ATP6V0A4: variants seen among roughly 807,000 people sequenced by gnomAD.
ATP6V0A4 encodes the protein ATPase H+ transporting V0 subunit a4.
Under a neutral mutation model 107.3 loss-of-function variants are expected in ATP6V0A4, and 86 were observed. The ratio of observed to expected loss-of-function variants is 0.80; its 90% CI spans 0.67 to 0.96. The LOEUF (loss-of-function observed/expected upper bound fraction) is 0.96. Among genes scored for constraint, ATP6V0A4 ranks in the 40% least tolerant of loss-of-function variants. The probability of loss-of-function intolerance (pLI) is 0.00; values close to 1 mark genes in which losing one functional copy is unlikely to be tolerated. For synonymous variants in ATP6V0A4, 353 were observed against 381.4 expected (o/e 0.93, Z 0.87); for missense variants, 908 against 1,045.6 (o/e 0.87, Z 1.81).
intron 11 of ATP6V0A4, among the ~76,000 whole-genome samples, chr7:138,752,116 T>C (rs554451632): frequency 4.6e-5 from 7 of 152,284 alleles, no homozygotes; most frequent in Middle Eastern, 3.4e-3. Context: ...ACACCTGTAA[T>C]GTCAGCACTT....
chr7:138,781,486 T>C (rs6467800), intron 2 of ATP6V0A4, among the ~76,000 whole-genome samples: 75,993 of 151,876 alleles, frequency 0.5, 19,288 homozygotes, highest in Admixed American at 0.55. Flanking sequence ...CCTGCCACCA[T>C]GCCTGGCTAA....
rs902650232 is a variant in ATP6V0A4, at chr7:138,773,328, C to T, written c.-17-2064G>A. On this transcript the variant is annotated intron_variant, in intron 2 of 21. Coordinates refer to ENST00000310018, the MANE Select transcript of ATP6V0A4 (RefSeq NM_020632.3). The surrounding 1 kb of genome is among the most constrained non-coding windows in gnomAD (Gnocchi z 5.4). ...CCTGGGTTTGGAAACTCAATATCCT[C>T]CTCTCCACCGTCCATCCCACGCCCC... 6.6e-6 allele frequency among the ~76,000 whole-genome samples: 1 copy of T among 152,114 alleles called. No individual in the cohort carries two copies. The highest frequency in any genetic ancestry group is 2.4e-5 in the African/African-American group (1 of 41,426).
intron 1 of ATP6V0A4, among the ~76,000 whole-genome samples, chr7:138,787,893 GGAGGCT>G (rs1808239874): frequency 6.6e-6 from 1 of 152,130 alleles, no homozygotes; most frequent in African/African-American, 2.4e-5. Flanking sequence ...CAGCTACTCA[GGAGGCT>G]GAGGCAGGAG....
intron 21 of ATP6V0A4, among the ~76,000 whole-genome samples, chr7:138,707,350 A>ATATTATATTATATATATATTTAT (rs1385766898): frequency 1.1e-5 from 1 of 90,366 alleles, no homozygotes; most frequent in African/African-American, 4.7e-5. Context: ...TATATATTAT[A>ATATTATATTATATATATATTTAT]ATATATATTA....
chr7:138,744,764 G>A (rs575510908), intron 14 of ATP6V0A4, among the ~76,000 whole-genome samples: 32 of 151,744 alleles, frequency 2.1e-4, no homozygotes, highest in South Asian at 6.3e-4. Context: ...GTGCAGTGGC[G>A]CAATCTCAGC....
intron 18 of ATP6V0A4, among the ~76,000 whole-genome samples, chr7:138,723,212 T>G (rs1804527093): frequency 6.6e-6 from 1 of 152,304 alleles, no homozygotes. Flanking sequence ...GTCTTGACAC[T>G]AAAGCAATGC....
chr7:138,763,975 A>AAATAT (rs774897965), intron 5 of ATP6V0A4, among the ~76,000 whole-genome samples: 135 of 143,614 alleles, frequency 9.4e-4, no homozygotes, highest in Admixed American at 2.5e-3. Flanking sequence ...TCAAAAAAAA[A>AAATAT]ATATATATAT....
intron 16 of ATP6V0A4, 85 bp from the exon 17 acceptor site, chr7:138,733,178 C>A (rs1412607421): frequency 1.3e-6 from 2 of 1,566,124 alleles, no homozygotes; most frequent in Admixed American, 1.8e-5. Flanking sequence ...CACAAAAGCA[C>A]AAAATGTTCT....
At position 138,739,536 on chromosome 7, in the gene ATP6V0A4, T is replaced by C; in HGVS notation, c.1572+4A>G. On this transcript the variant is annotated splice_donor_region_variant and intron_variant, in intron 15 of 21. Coordinates refer to ENST00000310018, the MANE Select transcript of ATP6V0A4 (RefSeq NM_020632.3). ...AAATATTTAACCCAAGAAGACATTA[T>C]TACCGGATCAATCCCAAACGGGTAT... The C allele has an allele frequency of 1.9e-6, 3 of 1,614,106 alleles. No homozygotes were observed. The Middle Eastern group carries it at 4.9e-4, about 266-fold the overall frequency.
chr7:138,742,818 C>T (rs1805699444), intron 14 of ATP6V0A4, among the ~76,000 whole-genome samples: 1 of 151,190 alleles, frequency 6.6e-6, no homozygotes, highest in South Asian at 2.1e-4. Context: ...CAGGTGTGAG[C>T]CACCGTGCTC....
At chr7:138,756,950 G>A (rs1806543022) in intron 8 of ATP6V0A4, among the ~76,000 whole-genome samples, 1 of 152,210 alleles carries the variant, frequency 6.6e-6, no homozygotes. Context: ...TTGGGGATGA[G>A]TAGGTGTTTT....
intron 16 of ATP6V0A4, 113 bp from the exon 17 acceptor site, chr7:138,733,206 A>G: frequency 6.7e-7 from 1 of 1,483,552 alleles, no homozygotes; most frequent in Non-Finnish European, 9.0e-7. Flanking sequence ...TTTTTTTTGC[A>G]CTACTGGCAA....
At chr7:138,718,466 G>T (rs1212206113) in intron 19 of ATP6V0A4, among the ~76,000 whole-genome samples, 3 of 127,180 alleles carry the variant, frequency 2.4e-5, no homozygotes, top group African/African-American at 6.2e-5. Context: ...AAGGAATGGG[G>T]GGGATGGCGG....
chr7:138,716,081 G>T, intron 19 of ATP6V0A4, 200 bp from the exon 20 acceptor site: 1 of 320,348 alleles, frequency 3.1e-6, no homozygotes, highest in Non-Finnish European at 4.5e-6. Context: ...ACGTTCCCCA[G>T]CAATAGCTGA....
chr7:138,718,817 T>C (rs1010750449), intron 19 of ATP6V0A4, among the ~76,000 whole-genome samples: 4 of 151,852 alleles, frequency 2.6e-5, no homozygotes, highest in South Asian at 2.1e-4. Flanking sequence ...CTGTGAGGAA[T>C]TGAAGGGACA....
At position 138,722,038 on chromosome 7, in the gene ATP6V0A4, A is replaced by AG; in HGVS notation, c.2011-14dup. 6.2e-7 allele frequency: 1 copy of AG among 1,614,120 alleles called. No homozygotes were observed. Among genetic ancestry groups the AG allele is most frequent in the African/African-American group, 1.3e-5 (1 of 75,050 alleles). On this transcript the variant is annotated splice_polypyrimidine_tract_variant and intron_variant, in intron 18 of 21. Transcript: ENST00000310018. ...TGGATGCCTGCAGCTGACAACAAGC[A>AG]GGGAAATGAGGAATGCGCTCAACTC...
chr7:138,710,858 G>A (rs1211076867), intron 20 of ATP6V0A4, among the ~76,000 whole-genome samples: 1 of 152,076 alleles, frequency 6.6e-6, no homozygotes, highest in Non-Finnish European at 1.5e-5. Flanking sequence ...AGTTTCAGGG[G>A]ATTTACAGAA....
In ATP6V0A4 at chr7:138,706,620, C is replaced by G; in HGVS notation, c.*4G>C. 6.2e-7 allele frequency: 1 copy of G among 1,613,882 alleles called. No homozygotes were observed. Among genetic ancestry groups the G allele is most frequent in the Non-Finnish European group, 8.5e-7 (1 of 1,179,886 alleles). On this transcript the variant is annotated 3_prime_UTR_variant, in exon 22 of 22. Transcript: ENST00000310018. ...TGACCACCGTGGGAGGTGCAGCCCT[C>G]AGCCTACTCCTCGGCTGTGCCATCC... is the stretch of plus-strand genomic sequence containing the variant.
intron 18 of ATP6V0A4, among the ~76,000 whole-genome samples, chr7:138,725,154 C>T (rs1804643720): frequency 6.6e-6 from 1 of 152,128 alleles, no homozygotes; most frequent in African/African-American, 2.4e-5. Flanking sequence ...GGCCTGCAGT[C>T]CCAGCTACTC....
Sources: gnomAD v4.1 joint callset for allele counts (sites outside exome capture counted in the v4.1 genomes callset) on GRCh38, gnomAD v4.1.1 for gene constraint, Gnocchi (gnomAD v3.1) non-coding constraint, MANE v1.5 for transcripts, NCBI Gene and HGNC (gene_info 2026-07-23, HGNC 2026-07-21) for gene names.